Variants in TCTN1 observed in about 807,000 individuals in gnomAD.
The protein encoded by TCTN1 is tectonic family member 1, also known as tectonic-1.
In TCTN1, 58 loss-of-function variants were observed where a neutral mutation model predicts 65.8. The ratio of observed to expected loss-of-function variants is 0.88; its 90% CI spans 0.71 to 1.10. The LOEUF is 1.10. Ranked by LOEUF, TCTN1 falls within the 50% of genes least tolerant of loss-of-function variation. TCTN1 has a pLI of 0.00. For synonymous variants in TCTN1, 273 were observed against 289.1 expected (o/e 0.94, Z 0.57); for missense variants, 645 against 719.4 (o/e 0.90, Z 1.18).
intron 6 of TCTN1, 113 bp downstream of exon 6, chr12:110,634,892 T>G: frequency 1.3e-6 from 1 of 778,942 alleles, no homozygotes. Context: ...CACTCGAGTT[T>G]AAATTTCTCC....
In TCTN1 at chr12:110,626,506, A is replaced by G. The variant is rs1483589919; in HGVS notation, c.472+14A>G. 1.2e-6 allele frequency: 2 copies of G among 1,609,504 alleles called. No individual in the cohort carries two copies. Among genetic ancestry groups the G allele is most frequent in the East Asian group, 2.2e-5 (1 of 44,754 alleles). On this transcript the variant is annotated intron_variant, in intron 3 of 14. Coordinates refer to ENST00000397659, the MANE Select transcript of TCTN1 (RefSeq NM_001082538.3). ...ATATTACAAACTGTAAGTATTTGAC[A>G]TTGATATATTTTGTGAAGCTCTGGA... is the stretch of plus-strand genomic sequence containing the variant.
At position 110,622,592 on chromosome 12, in the gene TCTN1, A is replaced by G. The variant is rs528539457; in HGVS notation, c.341+2636A>G. On this transcript the variant is annotated intron_variant, in intron 2 of 14. Transcript: ENST00000397659. ...GTCAGCATGGACTGAGGGGAAGGGC[A>G]TTCCAGGCAGAGGGAACTGCGTGGA... Among the ~76,000 whole-genome samples, 205 of 152,284 alleles carry G rather than the reference A, an allele frequency of 1.3e-3. 1 individual carries two copies. The highest frequency in any genetic ancestry group is 4.7e-3 in the African/African-American group (197 of 41,564).
intron 7 of TCTN1, among the ~76,000 whole-genome samples, chr12:110,637,890 A>G (rs2066687555): frequency 6.6e-6 from 1 of 152,146 alleles, no homozygotes. Flanking sequence ...TTACGCATTT[A>G]GTGATGAATG....
chr12:110,618,549 A>AT (rs1054970977), intron 1 of TCTN1, among the ~76,000 whole-genome samples: 6 of 151,996 alleles, frequency 3.9e-5, no homozygotes, highest in African/African-American at 1.4e-4. Context: ...TAATTTTTGT[A>AT]TTTTTAATAG....
At chr12:110,621,090 C>T (rs146502707) in intron 2 of TCTN1, among the ~76,000 whole-genome samples, 41 of 152,284 alleles carry the variant, frequency 2.7e-4, no homozygotes, top group African/African-American at 9.9e-4. Flanking sequence ...CAGGTGTAAG[C>T]CAACGCGCCC....
rs1405238575 is a variant in TCTN1, at chr12:110,647,787, T to C, written c.1674T>C (p.Thr558=). 6.2e-7 allele frequency: 1 copy of C among 1,614,216 alleles called. No homozygotes were observed. Among genetic ancestry groups the C allele is most frequent in the Non-Finnish European group, 8.5e-7 (1 of 1,180,044 alleles). The change falls in exon 14 of 15, where the codon ACT becomes ACC. Residue 558 remains threonine, a synonymous_variant. Transcript: ENST00000397659. ...ATGAAAGGACGATTCTTATTTCCAC[T>C]GCGGTTACTTTTGTGGATGTGTCTG... ...SGNERTILIS[T]AVTFVDVSAP... is the part of the protein sequence containing the mutation.
chr12:110,614,146 T>C lies in TCTN1; in HGVS notation c.-37T>C. On this transcript the variant is annotated 5_prime_UTR_variant, in exon 1 of 15. Transcript: ENST00000397659. The stretch of plus-strand genomic sequence containing the variant: ...CTGTCGCGGTTGCCGGGCAACGCGC[T>C]GTCCATGTCGCGGGCCTCGCTGGGA... The C allele has an allele frequency of 6.5e-7, 1 of 1,544,816 alleles. No individual in the cohort carries two copies. The highest frequency in any genetic ancestry group is 8.7e-7 in the Non-Finnish European group (1 of 1,146,366).
chr12:110,614,600 A>G lies in TCTN1; in HGVS notation c.220+198A>G, dbSNP rs2064907906. The G allele has an allele frequency of 5.2e-5, 61 of 1,167,784 alleles. No individual in the cohort carries two copies. In the East Asian group the frequency reaches 1.6e-3, roughly 30 times the overall value. The allele number at this position is 1,167,784 out of a possible 1,614,324, so 72.3% of individuals were successfully genotyped here. A position where few individuals can be genotyped will look rare whatever the true frequency, so the allele number is the denominator to read the frequency against. On this transcript the variant is annotated intron_variant, in intron 1 of 14. Transcript: ENST00000397659. Reference sequence around the variant, plus strand: ...TTACTATCACTGTCAGGTAAATGAGAAAACCGGGTCTCAGAGTTTAAGTGG... The same window carrying G: ...TTACTATCACTGTCAGGTAAATGAGGAAACCGGGTCTCAGAGTTTAAGTGG...
Position 110,628,746 on chromosome 12 carries a change from ACT to A in TCTN1, c.473-20_473-19del, listed in dbSNP as rs762957362. ...CATATATTTTATACCGATTTAAAAT[ACT>A]GTTTTTTTTAAAAAACAGATAAACC... is the stretch of plus-strand genomic sequence containing the variant. On this transcript the variant is annotated intron_variant, in intron 3 of 14. Transcript: ENST00000397659. 3.6e-5 allele frequency: 57 copies of A among 1,569,256 alleles called. No individual in the cohort carries two copies. Among genetic ancestry groups the A allele is most frequent in the Middle Eastern group, 3.5e-4 (2 of 5,640 alleles).
chr12:110,628,191 G>A lies in TCTN1; in HGVS notation c.473-576G>A, dbSNP rs139934215. The A allele has an allele frequency of 9.0e-3, 13,832 of 1,535,864 alleles. 62 individuals are homozygous for A. The highest frequency in any genetic ancestry group is 0.01 in the Non-Finnish European group (11,672 of 1,146,862). ...CAGTCCAGGGGCTAGAGAAATAGAC[G>A]GATTATTATTGGCTTCTGTTGTGCT... is the stretch of plus-strand genomic sequence containing the variant. On this transcript the variant is annotated intron_variant, in intron 3 of 14. Transcript: ENST00000397659.
Position 110,641,040 on chromosome 12 carries a change from C to T in TCTN1, c.995C>T (p.Thr332Ile). ...NVVLEVKYSLTYTDAGEVTKA... is the reference protein window; with the variant it reads ...NVVLEVKYSLIYTDAGEVTKA... ...TGTTTTTAGGTAAAGTACAGCCTCACATACACAGATGCAGGTGAAGTCACC... is the reference window on the plus strand; with the variant it reads ...TGTTTTTAGGTAAAGTACAGCCTCATATACACAGATGCAGGTGAAGTCACC... The change falls in exon 9 of 15, where the codon ACA (threonine) becomes ATA (isoleucine). Residue 332 changes from threonine (T) to isoleucine (I), a missense_variant. Transcript: ENST00000397659. The T allele has an allele frequency of 6.2e-7, 1 of 1,614,252 alleles. No individual in the cohort carries two copies. Among genetic ancestry groups the T allele is most frequent in the South Asian group, 1.1e-5 (1 of 91,086 alleles).
At position 110,614,134 on chromosome 12, in the gene TCTN1, C is replaced by A. The variant is rs1375400751; in HGVS notation, c.-49C>A. ...CCCCGCGCCTGGCTGTCGCGGTTGC[C>A]GGGCAACGCGCTGTCCATGTCGCGG... On this transcript the variant is annotated 5_prime_UTR_variant, in exon 1 of 15. Coordinates refer to ENST00000397659, the MANE Select transcript of TCTN1 (RefSeq NM_001082538.3). 1.9e-6 allele frequency: 3 copies of A among 1,539,212 alleles called. 1 individual carries two copies. The South Asian group carries it at 3.6e-5, about 18-fold the overall frequency.
Position 110,640,646 on chromosome 12 carries a change from G to A in TCTN1, c.978+129G>A. 2 of 1,326,650 alleles carry A rather than the reference G, an allele frequency of 1.5e-6. No individual in the cohort carries two copies. The highest frequency in any genetic ancestry group is 2.2e-6 in the Non-Finnish European group (2 of 930,074). 82.2% of individuals were successfully genotyped at this position (1,326,650 alleles called of 1,614,324 possible). ...TGGTGTGGCTTTTCTTGGCTCAGCT[G>A]CCTGCTTGTCTTTCTGCTGTCTCAT... is the stretch of plus-strand genomic sequence containing the variant. On this transcript the variant is annotated intron_variant, in intron 8 of 14. Coordinates refer to ENST00000397659, the MANE Select transcript of TCTN1 (RefSeq NM_001082538.3). The surrounding 1 kb of genome is among the most constrained non-coding windows in gnomAD (Gnocchi z 4.9).
At chr12:110,620,035 C>G in intron 2 of TCTN1, 79 bp downstream of exon 2, 2 of 1,605,668 alleles carry the variant, frequency 1.2e-6, no homozygotes, top group Non-Finnish European at 1.7e-6. Flanking sequence ...AAAACTTTCC[C>G]AGGCTTAAAA....
chr12:110,641,885 T>C (rs1259915038), intron 10 of TCTN1: 6 of 567,602 alleles, frequency 1.1e-5, no homozygotes, highest in Non-Finnish European at 1.9e-5. Flanking sequence ...CTCCTTTTTT[T>C]TTTCAGCCTG....
chr12:110,647,693 T>G, intron 13 of TCTN1, 56 bp from the exon 14 acceptor site: 1 of 1,612,986 alleles, frequency 6.2e-7, no homozygotes, highest in South Asian at 1.1e-5. Context: ...TGTCTCATTG[T>G]TGTCATTCTG....
intron 12 of TCTN1, chr12:110,646,090 C>A (rs941695680): frequency 6.6e-6 from 1 of 152,218 alleles, no homozygotes; most frequent in Non-Finnish European, 1.5e-5. Flanking sequence ...GGAGAGGCAG[C>A]AGTGCGCACA....
At chr12:110,617,345 ATT>A (rs57738866) in intron 1 of TCTN1, among the ~76,000 whole-genome samples, 6 of 144,640 alleles carry the variant, frequency 4.1e-5, no homozygotes, top group Non-Finnish European at 7.6e-5. Context: ...ACGGGGTACT[ATT>A]TTTTTTTTTT....
chr12:110,628,025 G>A, intron 3 of TCTN1: 1 of 1,535,202 alleles, frequency 6.5e-7, no homozygotes. Flanking sequence ...ATGCCAGCCT[G>A]CTTCCTTCTC....
Sources: allele counts gnomAD v4.1 joint callset (sites outside exome capture counted in the v4.1 genomes callset), GRCh38; gene constraint gnomAD v4.1.1; non-coding constraint Gnocchi (gnomAD v3.1); transcripts MANE v1.5; gene names NCBI Gene and HGNC (gene_info 2026-07-23, HGNC 2026-07-21).